Variants in SORCS1 observed in about 807,000 individuals in gnomAD.
The protein encoded by SORCS1 is sortilin related VPS10 domain containing receptor 1, also known as VPS10 domain-containing receptor SorCS1.
Under a neutral mutation model 146.1 loss-of-function variants are expected in SORCS1, and 60 were observed. The observed-to-expected ratio is 0.41, with a 90% confidence interval of 0.33 to 0.51. The LOEUF (loss-of-function observed/expected upper bound fraction) is 0.51, where lower values mean the gene tolerates loss of function less well. SORCS1 is among the 20% of genes least tolerant of loss of function. The probability of loss-of-function intolerance (pLI) is 0.21; values close to 1 mark genes in which losing one functional copy is unlikely to be tolerated. For synonymous variants in SORCS1, 637 were observed against 584.0 expected (o/e 1.09, Z -1.31); for missense variants, 1,352 against 1,487.6 (o/e 0.91, Z 1.50).
chr10:106,786,528 G>A (rs924094777), intron 3 of SORCS1, among the ~76,000 whole-genome samples: 1 of 152,106 alleles, frequency 6.6e-6, no homozygotes, highest in Non-Finnish European at 1.5e-5. Context: ...TAAAGTGGAA[G>A]GTGCAAAGCT....
intron 3 of SORCS1, among the ~76,000 whole-genome samples, chr10:106,802,948 T>C (rs1946984330): frequency 6.6e-6 from 1 of 152,180 alleles, no homozygotes; most frequent in South Asian, 2.1e-4. Flanking sequence ...ACAGTATTTT[T>C]TAAAACTTCG....
At chr10:106,770,408 A>T (rs1415327821) in intron 4 of SORCS1, among the ~76,000 whole-genome samples, 1 of 152,054 alleles carries the variant, frequency 6.6e-6, no homozygotes, top group Non-Finnish European at 1.5e-5. Flanking sequence ...GGCCCACCAA[A>T]CTGTCCTAAA....
At chr10:107,088,459 G>C (rs1963934385) in intron 1 of SORCS1, among the ~76,000 whole-genome samples, 3 of 152,174 alleles carry the variant, frequency 2.0e-5, no homozygotes, top group African/African-American at 7.2e-5. Context: ...GGCATGGCAG[G>C]CACTCTCTGT....
At chr10:106,654,001 C>T (rs1019031989) in intron 17 of SORCS1, among the ~76,000 whole-genome samples, 1 of 152,150 alleles carries the variant, frequency 6.6e-6, no homozygotes, top group Non-Finnish European at 1.5e-5. Flanking sequence ...CCTCATAAGC[C>T]CATGTCCATT....
chr10:107,016,047 C>A (rs938966337), intron 1 of SORCS1, among the ~76,000 whole-genome samples: 1 of 152,050 alleles, frequency 6.6e-6, no homozygotes, highest in East Asian at 1.9e-4. Flanking sequence ...GACAATTGGC[C>A]GAGCAGGTTT....
intron 3 of SORCS1, among the ~76,000 whole-genome samples, chr10:106,805,391 C>CTGCAAACTACTACTTAGTTT (rs1297449581): frequency 6.6e-6 from 1 of 152,162 alleles, no homozygotes; most frequent in Non-Finnish European, 1.5e-5. Flanking sequence ...AAGCCAGCAG[C>CTGCAAACTACTACTTAGTTT]TGCAAACTAC....
At chr10:106,625,763 T>A (rs1848068296) in intron 19 of SORCS1, among the ~76,000 whole-genome samples, 1 of 152,124 alleles carries the variant, frequency 6.6e-6, no homozygotes, top group African/African-American at 2.4e-5. Flanking sequence ...CACCTTATCT[T>A]TTTTTTGTCC....
Position 106,769,084 on chromosome 10 carries a change from G to T in SORCS1, c.886-7423C>A, listed in dbSNP as rs193286363. Among the ~76,000 whole-genome samples, 3 of 152,302 alleles carry T rather than the reference G, an allele frequency of 2.0e-5. No individual in the cohort carries two copies. In the East Asian group the frequency reaches 5.8e-4, roughly 29 times the overall value. ...TTAGTATGACTGAGATTTTGAAAGC[G>T]CTGGCATCTATTTCTTTATTAAGTA... On this transcript the variant is annotated intron_variant, in intron 4 of 25. Transcript: ENST00000263054.
At chr10:106,896,146 A>T (rs1951465655) in intron 2 of SORCS1, among the ~76,000 whole-genome samples, 1 of 152,170 alleles carries the variant, frequency 6.6e-6, no homozygotes. Context: ...TGAAAAGTAG[A>T]GGCCGGGTGC....
intron 2 of SORCS1, among the ~76,000 whole-genome samples, chr10:106,919,185 C>T (rs935292031): frequency 1.3e-5 from 2 of 152,170 alleles, no homozygotes; most frequent in African/African-American, 4.8e-5. Context: ...CACTTAAATA[C>T]TTCTATTTAA....
intron 23 of SORCS1, among the ~76,000 whole-genome samples, chr10:106,598,161 C>T (rs1314566443): frequency 1.3e-5 from 2 of 151,742 alleles, no homozygotes; most frequent in African/African-American, 4.8e-5. Context: ...GAGTAGAAAA[C>T]CTAGCTCCAT....
chr10:107,094,382 A>C (rs1238695469), intron 1 of SORCS1, among the ~76,000 whole-genome samples: 2 of 152,218 alleles, frequency 1.3e-5, no homozygotes, highest in East Asian at 3.8e-4. Flanking sequence ...TTATTATTGC[A>C]GTTGGAAAAC....
chr10:106,715,991 T>C (rs113535780), intron 6 of SORCS1, among the ~76,000 whole-genome samples: 1,555 of 152,262 alleles, frequency 0.01, 32 homozygotes, highest in African/African-American at 0.036. Flanking sequence ...GACCTCGTGA[T>C]TCGTCTGCCT....
chr10:106,856,194 T>C (rs1949780809), intron 2 of SORCS1, among the ~76,000 whole-genome samples: 1 of 152,054 alleles, frequency 6.6e-6, no homozygotes, highest in African/African-American at 2.4e-5. Flanking sequence ...GTCCAGCTAA[T>C]TTTTGTATTT....
At chr10:107,067,393 T>C (rs746258689) in intron 1 of SORCS1, among the ~76,000 whole-genome samples, 1 of 152,240 alleles carries the variant, frequency 6.6e-6, no homozygotes, top group African/African-American at 2.4e-5. Context: ...GAAAAGATCA[T>C]ATTGGCCTCA....
At chr10:106,827,223 T>TTC (rs1554853614) in intron 3 of SORCS1, among the ~76,000 whole-genome samples, 1 of 150,880 alleles carries the variant, frequency 6.6e-6, no homozygotes, top group Non-Finnish European at 1.5e-5. Flanking sequence ...TTTTTTTTTT[T>TTC]CATGTTTCTC....
chr10:106,832,572 C>T (rs1334984616), intron 2 of SORCS1, among the ~76,000 whole-genome samples: 1 of 151,984 alleles, frequency 6.6e-6, no homozygotes. Flanking sequence ...GTGTGTCTCC[C>T]GCATCTTGCT....
At chr10:106,656,924 C>A (rs1850339518) in intron 17 of SORCS1, among the ~76,000 whole-genome samples, 1 of 151,984 alleles carries the variant, frequency 6.6e-6, no homozygotes, top group South Asian at 2.1e-4. Context: ...TTAAAGACTA[C>A]AAATTTAAGA....
At chr10:107,032,288 A>C (rs1958690989) in intron 1 of SORCS1, among the ~76,000 whole-genome samples, 1 of 152,234 alleles carries the variant, frequency 6.6e-6, no homozygotes, top group Non-Finnish European at 1.5e-5. Context: ...GGAAGTTATT[A>C]CATTTATAAA....
Sources: gnomAD v4.1 joint callset for allele counts (sites outside exome capture counted in the v4.1 genomes callset) on GRCh38, gnomAD v4.1.1 for gene constraint, MANE v1.5 for transcripts, NCBI Gene and HGNC (gene_info 2026-07-23, HGNC 2026-07-21) for gene names.